FHIT: variants seen among roughly 807,000 people sequenced by gnomAD.
The protein encoded by FHIT is fragile histidine triad diadenosine triphosphatase.
FHIT carries 19 observed loss-of-function variants against 17.9 expected under a neutral mutation model. The observed-to-expected ratio is 1.06, with a 90% confidence interval of 0.74 to 1.56. FHIT has a LOEUF of 1.56. FHIT is among the 40% of genes most tolerant of loss of function. FHIT has a pLI of 0.00. For synonymous variants in FHIT, 81 were observed against 69.7 expected, an observed-to-expected ratio of 1.16 and a Z score of -0.81; for missense variants, 248 against 189.2, an observed-to-expected ratio of 1.31 and a Z score of -1.82.
At chr3:60,966,636 C>A (rs993043092) in intron 3 of FHIT, among the ~76,000 whole-genome samples, 4 of 152,116 alleles carry the variant, frequency 2.6e-5, no homozygotes, top group African/African-American at 9.7e-5. Context: ...AGGACAGTGG[C>A]AAGATTCAAT....
chr3:60,485,248 A>T (rs1175545784), intron 5 of FHIT, among the ~76,000 whole-genome samples: 6 of 152,186 alleles, frequency 3.9e-5, no homozygotes, highest in Admixed American at 3.9e-4. Context: ...CAGTATAGTG[A>T]TTCCTCAAGG....
chr3:60,764,240 G>A (rs915092971), intron 4 of FHIT, among the ~76,000 whole-genome samples: 1 of 143,748 alleles, frequency 7.0e-6, no homozygotes, highest in Non-Finnish European at 1.5e-5. Flanking sequence ...TATCTGGGTA[G>A]GAAAATGCAC....
intron 4 of FHIT, among the ~76,000 whole-genome samples, chr3:60,795,366 C>G (rs1370012959): frequency 6.6e-6 from 1 of 152,100 alleles, no homozygotes; most frequent in Non-Finnish European, 1.5e-5. Context: ...AGTTCTCTTT[C>G]CTGTTGAATA....
intron 4 of FHIT, among the ~76,000 whole-genome samples, chr3:60,621,221 ACAC>A (rs1576986701): frequency 6.9e-6 from 1 of 144,728 alleles, no homozygotes; most frequent in East Asian, 2.1e-4. Flanking sequence ...CTATCTGGAC[ACAC>A]CACAACCTCC....
At chr3:60,852,846 C>G (rs11130789) in intron 3 of FHIT, among the ~76,000 whole-genome samples, 1 of 151,680 alleles carries the variant, frequency 6.6e-6, no homozygotes, top group African/African-American at 2.4e-5. Flanking sequence ...CCCTAAAAAT[C>G]AAGATTTTTT....
chr3:60,506,329 G>A (rs2034727888), intron 5 of FHIT, among the ~76,000 whole-genome samples: 1 of 152,072 alleles, frequency 6.6e-6, no homozygotes. Flanking sequence ...AGCTAATTTT[G>A]TAAACTGCAA....
intron 3 of FHIT, among the ~76,000 whole-genome samples, chr3:60,867,373 G>A (rs2107041019): frequency 6.6e-6 from 1 of 152,266 alleles, no homozygotes; most frequent in East Asian, 1.9e-4. Flanking sequence ...ACATGCTTAA[G>A]TAGACATTTA....
chr3:61,110,207 C>A (rs2036116915), intron 2 of FHIT, among the ~76,000 whole-genome samples: 1 of 152,156 alleles, frequency 6.6e-6, no homozygotes, highest in South Asian at 2.1e-4. Flanking sequence ...TTTCTCTTGC[C>A]CTGCTTTGTA....
chr3:61,144,314 G>C (rs1320851247), intron 2 of FHIT, among the ~76,000 whole-genome samples: 1 of 152,138 alleles, frequency 6.6e-6, no homozygotes, highest in African/African-American at 2.4e-5. Flanking sequence ...TTTGCGACTA[G>C]CTTCTTTCAC....
chr3:61,061,890 C>T (rs946897259), intron 2 of FHIT, among the ~76,000 whole-genome samples: 1 of 152,094 alleles, frequency 6.6e-6, no homozygotes, highest in Non-Finnish European at 1.5e-5. Context: ...CTGAGGGAGC[C>T]TATATTAATA....
intron 5 of FHIT, among the ~76,000 whole-genome samples, chr3:60,505,077 AT>A (rs35278876): frequency 2.3e-4 from 35 of 152,036 alleles, no homozygotes; most frequent in African/African-American, 7.0e-4. Context: ...TCAAAGATGT[AT>A]TTTTTTTCCT....
At chr3:60,283,854 T>C (rs930279048) in intron 5 of FHIT, among the ~76,000 whole-genome samples, 6 of 151,990 alleles carry the variant, frequency 3.9e-5, no homozygotes, top group Admixed American at 3.9e-4. Context: ...AGGTATACAA[T>C]AGGGAAAATA....
intron 5 of FHIT, among the ~76,000 whole-genome samples, chr3:60,406,312 G>A (rs1701854707): frequency 1.3e-5 from 2 of 152,148 alleles, no homozygotes; most frequent in African/African-American, 4.8e-5. Flanking sequence ...TTTTCTCTAA[G>A]AAGTTCCTGA....
At chr3:60,326,058 A>C (rs1156714708) in intron 5 of FHIT, among the ~76,000 whole-genome samples, 1 of 152,064 alleles carries the variant, frequency 6.6e-6, no homozygotes, top group Non-Finnish European at 1.5e-5. Flanking sequence ...TAAATTCATC[A>C]ACATCCTAAA....
At chr3:61,229,296 GCAAA>G (rs1348980670) in intron 1 of FHIT, among the ~76,000 whole-genome samples, 13 of 152,200 alleles carry the variant, frequency 8.5e-5, no homozygotes, top group African/African-American at 3.1e-4. Flanking sequence ...GCCAAATGAA[GCAAA>G]CAGTTATGTG....
intron 5 of FHIT, among the ~76,000 whole-genome samples, chr3:60,533,499 G>A (rs1329841233): frequency 6.6e-6 from 1 of 152,174 alleles, no homozygotes; most frequent in Non-Finnish European, 1.5e-5. Flanking sequence ...CTGTGTGTTT[G>A]GTCTTGGTAC....
At chr3:60,222,884 G>C (rs1704025971) in intron 5 of FHIT, among the ~76,000 whole-genome samples, 1 of 152,142 alleles carries the variant, frequency 6.6e-6, no homozygotes, top group South Asian at 2.1e-4. Context: ...CTGGGTGAAA[G>C]AGCGAGACTC....
chr3:60,246,967 G>A (rs1167740336), intron 5 of FHIT, among the ~76,000 whole-genome samples: 2 of 152,080 alleles, frequency 1.3e-5, no homozygotes, highest in African/African-American at 2.4e-5. Flanking sequence ...AAACTATTCT[G>A]TATGATACTC....
intron 5 of FHIT, among the ~76,000 whole-genome samples, chr3:60,373,457 G>A (rs991753361): frequency 2.1e-4 from 32 of 152,204 alleles, no homozygotes; most frequent in African/African-American, 7.5e-4. Flanking sequence ...GTGAGACTAG[G>A]CAGAGAATAA....
Sources: gnomAD v4.1 joint callset for allele counts (sites outside exome capture counted in the v4.1 genomes callset) on GRCh38, gnomAD v4.1.1 for gene constraint, MANE v1.5 for transcripts, NCBI Gene and HGNC (gene_info 2026-07-23, HGNC 2026-07-21) for gene names.